PDGFD: variants seen among roughly 807,000 people sequenced by gnomAD.
PDGFD encodes the protein platelet-derived growth factor D.
PDGFD carries 30 observed loss-of-function variants against 44.7 expected under a neutral mutation model. The ratio of observed to expected loss-of-function variants is 0.67; its 90% CI spans 0.50 to 0.91. The LOEUF (loss-of-function observed/expected upper bound fraction) is 0.91. Among genes scored for constraint, PDGFD ranks in the 40% least tolerant of loss-of-function variants. The pLI is 0.00. For missense variants in PDGFD, 445 were observed against 457.8 expected, an observed-to-expected ratio of 0.97 and a Z score of 0.25; for synonymous variants, 173 against 168.4, an observed-to-expected ratio of 1.03 and a Z score of -0.21.
At chr11:104,146,038 T>C (rs943102915) in intron 1 of PDGFD, among the ~76,000 whole-genome samples, 23 of 152,136 alleles carry the variant, frequency 1.5e-4, no homozygotes, top group Admixed American at 8.5e-4. Flanking sequence ...AGAAATAAAG[T>C]CTGTTATTTA....
intron 1 of PDGFD, among the ~76,000 whole-genome samples, chr11:104,127,420 G>A (rs536571224): frequency 6.6e-6 from 1 of 152,088 alleles, no homozygotes; most frequent in Non-Finnish European, 1.5e-5. Flanking sequence ...ATAGACACAA[G>A]GGGAAAAAGT....
intron 1 of PDGFD, among the ~76,000 whole-genome samples, chr11:104,146,708 C>T (rs902527999): frequency 5.9e-5 from 9 of 152,174 alleles, no homozygotes; most frequent in Non-Finnish European, 1.3e-4. Flanking sequence ...GCTACCCAGA[C>T]GTTTTCCTCC....
At chr11:103,919,579 G>C (rs192334766) in intron 6 of PDGFD, among the ~76,000 whole-genome samples, 10 of 141,038 alleles carry the variant, frequency 7.1e-5, no homozygotes, top group Non-Finnish European at 1.1e-4. Flanking sequence ...TGTGATCCCG[G>C]GTCACTGCAA....
At chr11:104,067,019 G>A (rs1860800166) in intron 1 of PDGFD, among the ~76,000 whole-genome samples, 3 of 152,146 alleles carry the variant, frequency 2.0e-5, no homozygotes, top group Admixed American at 6.5e-5. Context: ...AAAGCTGACT[G>A]TTATACGAAG....
intron 1 of PDGFD, among the ~76,000 whole-genome samples, chr11:104,060,718 G>A (rs1027295004): frequency 1.3e-5 from 2 of 152,100 alleles, no homozygotes; most frequent in Non-Finnish European, 1.5e-5. Context: ...CAGGAGGTAC[G>A]TCTCCCATAT....
intron 3 of PDGFD, among the ~76,000 whole-genome samples, chr11:103,974,236 T>A (rs180751814): frequency 3.5e-4 from 53 of 152,272 alleles, no homozygotes; most frequent in African/African-American, 1.3e-3. Flanking sequence ...AGACAATGCC[T>A]ATACCTTCAT....
chr11:103,991,404 T>C (rs551583753), intron 3 of PDGFD, among the ~76,000 whole-genome samples: 1 of 152,284 alleles, frequency 6.6e-6, no homozygotes, highest in East Asian at 1.9e-4. Context: ...CCATTCTTCA[T>C]TTGAGTTTTA....
At chr11:104,097,815 T>C (rs774199396) in intron 1 of PDGFD, among the ~76,000 whole-genome samples, 21 of 152,186 alleles carry the variant, frequency 1.4e-4, no homozygotes, top group Non-Finnish European at 3.1e-4. Context: ...GGCTTCGACA[T>C]GTCCTGTCAG....
intron 1 of PDGFD, among the ~76,000 whole-genome samples, chr11:104,141,765 G>C (rs534307405): frequency 2.0e-5 from 3 of 152,164 alleles, no homozygotes; most frequent in Admixed American, 6.5e-5. Flanking sequence ...AAACTGGAGT[G>C]ATGCAGCCAA....
At chr11:104,118,093 T>C (rs893774075) in intron 1 of PDGFD, among the ~76,000 whole-genome samples, 8 of 151,994 alleles carry the variant, frequency 5.3e-5, no homozygotes, top group African/African-American at 1.9e-4. Flanking sequence ...ATTTTCTACA[T>C]AGATAATCAT....
intron 3 of PDGFD, among the ~76,000 whole-genome samples, chr11:103,959,362 T>G (rs1227167868): frequency 1.3e-5 from 2 of 152,352 alleles, no homozygotes; most frequent in Middle Eastern, 3.4e-3. Context: ...TACCTTTTTC[T>G]TGACCTGACT....
chr11:104,007,619 A>G (rs532863896), intron 1 of PDGFD, among the ~76,000 whole-genome samples: 1 of 152,326 alleles, frequency 6.6e-6, no homozygotes, highest in East Asian at 1.9e-4. Flanking sequence ...CCAGGAACCA[A>G]TAGCATGACT....
chr11:104,137,009 CT>C lies in PDGFD; in HGVS notation c.124+26794del, dbSNP rs528771354. On this transcript the variant is annotated intron_variant, in intron 1 of 6. Coordinates refer to ENST00000393158, the MANE Select transcript of PDGFD (RefSeq NM_025208.5). Reference sequence around the variant, plus strand: ...AAAAAATAAGCTGGAGGTGAAATGGCTTATCAGTGACTGTGCTCAGGAAACA... The same window carrying C: ...AAAAAATAAGCTGGAGGTGAAATGGCTATCAGTGACTGTGCTCAGGAAACA... 3.3e-4 allele frequency among the ~76,000 whole-genome samples: 50 copies of C among 152,194 alleles called. No homozygotes were observed. In the South Asian group the frequency reaches 0.01, roughly 32 times the overall value.
At position 103,909,559 on chromosome 11, in the gene PDGFD, G is replaced by C; in HGVS notation, c.*135C>G. ...CATGGCATTAACAAAGCAAGGCTGA[G>C]ACTCAGCAACCACTTGTGTTCATTG... On this transcript the variant is annotated 3_prime_UTR_variant, in exon 7 of 7. Coordinates refer to ENST00000393158, the MANE Select transcript of PDGFD (RefSeq NM_025208.5). 8.8e-7 allele frequency: 1 copy of C among 1,140,318 alleles called. No individual in the cohort carries two copies. The allele number at this position is 1,140,318 out of a possible 1,614,324, so 70.6% of individuals were successfully genotyped here. A position where few individuals can be genotyped will look rare whatever the true frequency, so the allele number is the denominator to read the frequency against.
intron 5 of PDGFD, among the ~76,000 whole-genome samples, chr11:103,939,375 G>C (rs911325918): frequency 6.6e-6 from 1 of 152,054 alleles, no homozygotes; most frequent in Non-Finnish European, 1.5e-5. Flanking sequence ...TTGGTGTATA[G>C]GAATGCTTGT....
chr11:104,163,937 G>C lies in PDGFD; in HGVS notation c.-10C>G, dbSNP rs368203840. On this transcript the variant is annotated 5_prime_UTR_variant, in exon 1 of 7. Coordinates refer to ENST00000393158, the MANE Select transcript of PDGFD (RefSeq NM_025208.5). ...AGATGAGCCGGTGCATTTGGGATCA[G>C]CGACTAGAGACAGCGTCGCTCCAAG... 6.5e-7 allele frequency: 1 copy of C among 1,534,832 alleles called. No homozygotes were observed.
chr11:104,051,406 C>A (rs536640585), intron 1 of PDGFD, among the ~76,000 whole-genome samples: 15 of 152,238 alleles, frequency 9.9e-5, no homozygotes, highest in African/African-American at 3.4e-4. Flanking sequence ...TGCTAGTGAC[C>A]TTTCTAGTTG....
intron 1 of PDGFD, among the ~76,000 whole-genome samples, chr11:104,091,293 A>C (rs1861210158): frequency 6.6e-6 from 1 of 152,198 alleles, no homozygotes; most frequent in Admixed American, 6.5e-5. Flanking sequence ...ATATTACAGA[A>C]TCAGGAATTT....
At chr11:104,052,991 G>A (rs1221660150) in intron 1 of PDGFD, among the ~76,000 whole-genome samples, 1 of 152,054 alleles carries the variant, frequency 6.6e-6, no homozygotes, top group East Asian at 1.9e-4. Context: ...TAGAATATTG[G>A]TGGTAACAGT....
Sources: allele counts gnomAD v4.1 joint callset (sites outside exome capture counted in the v4.1 genomes callset), GRCh38; gene constraint gnomAD v4.1.1; transcripts MANE v1.5; gene names NCBI Gene and HGNC (gene_info 2026-07-23, HGNC 2026-07-21).